CFAP70: variants seen among roughly 807,000 people sequenced by gnomAD.
CFAP70 encodes cilia and flagella associated protein 70, also known as cilia- and flagella-associated protein 70.
Under a neutral mutation model 137.6 loss-of-function variants are expected in CFAP70, and 81 were observed. The observed-to-expected ratio is 0.59, with a 90% CI of 0.49 to 0.71. The LOEUF is 0.71. Ranked by LOEUF, CFAP70 falls within the 30% of genes least tolerant of loss-of-function variation. The pLI is 0.00. For synonymous variants in CFAP70, 382 were observed against 423.6 expected (o/e 0.90, Z 1.20); for missense variants, 976 against 1,226.7 (o/e 0.80, Z 3.05).
exon 20 of CFAP70, chr10:73,278,218 G>C (rs747201449): frequency 1.2e-6 from 2 of 1,613,920 alleles, no homozygotes; most frequent in East Asian, 4.5e-5. Flanking sequence ...GTGTTAGATG[G>C]TTTTTGGCTT....
At chr10:73,361,813 G>A (rs2055020439), upstream of CFAP70, among the ~76,000 whole-genome samples, 1 of 151,374 alleles carries the variant, frequency 6.6e-6, no homozygotes, top group Admixed American at 6.6e-5. Context: ...TCCCCAAATT[G>A]ATCTACAGAT....
At chr10:73,359,450 G>A (rs952183852), upstream of CFAP70, among the ~76,000 whole-genome samples, 1 of 152,130 alleles carries the variant, frequency 6.6e-6, no homozygotes, top group African/African-American at 2.4e-5. Context: ...AATTGTTGCA[G>A]TGTTAAGAGC....
chr10:73,338,577 T>A (rs905227069), intron 6 of CFAP70, among the ~76,000 whole-genome samples: 9 of 151,664 alleles, frequency 5.9e-5, no homozygotes, highest in African/African-American at 2.2e-4. Flanking sequence ...ATTACAGATG[T>A]GTGCCACTAC....
At chr10:73,347,779 G>A (rs2053844031) in intron 4 of CFAP70, among the ~76,000 whole-genome samples, 1 of 152,066 alleles carries the variant, frequency 6.6e-6, no homozygotes, top group African/African-American at 2.4e-5. Flanking sequence ...TTCAGTGAGA[G>A]GCATGCTACC....
intron 9 of CFAP70, among the ~76,000 whole-genome samples, chr10:73,322,092 A>T (rs771519348): frequency 6.6e-6 from 1 of 152,224 alleles, no homozygotes; most frequent in Non-Finnish European, 1.5e-5. Context: ...TCACACTTAA[A>T]ATGCTGAAAG....
At chr10:73,358,706 T>C (rs2054869946) in intron 1 of CFAP70, 72 bp downstream of exon 1, 1 of 152,428 alleles carries the variant, frequency 6.6e-6, no homozygotes, top group Non-Finnish European at 1.5e-5. Flanking sequence ...GAGGGATCAC[T>C]GTCTTACCTG....
intron 12 of CFAP70, among the ~76,000 whole-genome samples, chr10:73,299,891 C>T (rs1326971702): frequency 6.6e-6 from 1 of 152,058 alleles, no homozygotes; most frequent in Non-Finnish European, 1.5e-5. Flanking sequence ...GAAGCAGCTA[C>T]TCAGGGAGTA....
intron 6 of CFAP70, among the ~76,000 whole-genome samples, chr10:73,339,162 C>A (rs897266252): frequency 3.9e-5 from 6 of 151,976 alleles, no homozygotes; most frequent in African/African-American, 1.5e-4. Context: ...CAGTGATCCA[C>A]CTGTCTCGGC....
chr10:73,288,337 A>G (rs61865820), intron 19 of CFAP70, among the ~76,000 whole-genome samples: 2 of 152,204 alleles, frequency 1.3e-5, no homozygotes, highest in African/African-American at 2.4e-5. Flanking sequence ...CTATAAAAGA[A>G]CAAAAAAATA....
intron 8 of CFAP70, 107 bp downstream of exon 9, chr10:73,331,070 G>A (rs1023733875): frequency 2.7e-6 from 2 of 733,170 alleles, no homozygotes; most frequent in African/African-American, 1.8e-5. Context: ...ACCCTTAGGA[G>A]AACAGCTATG....
At chr10:73,281,882 A>C (rs2047282746) in intron 19 of CFAP70, among the ~76,000 whole-genome samples, 1 of 152,232 alleles carries the variant, frequency 6.6e-6, no homozygotes, top group Non-Finnish European at 1.5e-5. Context: ...TAAGTGAATT[A>C]ATGCAGGAAC....
chr10:73,326,896 T>A (rs2051496623), intron 8 of CFAP70, among the ~76,000 whole-genome samples: 1 of 151,658 alleles, frequency 6.6e-6, no homozygotes, highest in African/African-American at 2.4e-5. Flanking sequence ...ACAGCCAAAT[T>A]CTACCAGAGG....
chr10:73,335,509 T>G (rs751677440), exon 7 of CFAP70: 1 of 1,611,706 alleles, frequency 6.2e-7, no homozygotes, highest in South Asian at 1.1e-5. Context: ...TCTGCTTGAT[T>G]CCTAAATTCG....
At chr10:73,267,873 G>A (rs2045917583) in intron 25 of CFAP70, among the ~76,000 whole-genome samples, 1 of 152,082 alleles carries the variant, frequency 6.6e-6, no homozygotes, top group Non-Finnish European at 1.5e-5. Flanking sequence ...TTCCTTGCTG[G>A]CTCTCAGCAG....
At chr10:73,340,380 G>A (rs2053137667) in intron 6 of CFAP70, among the ~76,000 whole-genome samples, 1 of 152,250 alleles carries the variant, frequency 6.6e-6, no homozygotes, top group South Asian at 2.1e-4. Flanking sequence ...ATAGGCTCCA[G>A]AGGGGAGGAA....
chr10:73,278,097 T>C (rs1007700537), intron 20 of CFAP70, 82 bp downstream of exon 21: 1 of 1,392,516 alleles, frequency 7.2e-7, no homozygotes, highest in Middle Eastern at 2.6e-4. Flanking sequence ...CAAGTCAGGA[T>C]TGCCATTTCA....
At chr10:73,347,139 A>T (rs1222827623) in intron 4 of CFAP70, 1 of 152,206 alleles carries the variant, frequency 6.6e-6, no homozygotes, top group Non-Finnish European at 1.5e-5. Context: ...CTGGAACTTG[A>T]AGTATTAATA....
intron 19 of CFAP70, among the ~76,000 whole-genome samples, chr10:73,284,732 C>A (rs1283672298): frequency 3.4e-5 from 2 of 59,138 alleles, no homozygotes; most frequent in African/African-American, 1.3e-4. Flanking sequence ...CCATATATGA[C>A]CTGCCACATA....
At chr10:73,287,969 C>T (rs2047874216) in intron 19 of CFAP70, among the ~76,000 whole-genome samples, 1 of 152,138 alleles carries the variant, frequency 6.6e-6, no homozygotes, top group Non-Finnish European at 1.5e-5. Flanking sequence ...GCAATCTGAT[C>T]TCACTGCAAC....
Sources: gnomAD v4.1 joint callset for allele counts (sites outside exome capture counted in the v4.1 genomes callset) on GRCh38, gnomAD v4.1.1 for gene constraint, MANE v1.5 for transcripts, NCBI Gene and HGNC (gene_info 2026-07-23, HGNC 2026-07-21) for gene names.